Variants in XKR9 observed in about 807,000 individuals in gnomAD.
The protein encoded by XKR9 is XK-related protein 9.
In XKR9, 32 loss-of-function variants were observed where a neutral mutation model predicts 32.0. That is an observed-to-expected ratio of 1.00 (90% CI 0.76 to 1.34). The LOEUF (loss-of-function observed/expected upper bound fraction) is 1.34. Ranked by LOEUF, XKR9 falls within the 40% of genes most tolerant of loss-of-function variation. The pLI, the probability that XKR9 is intolerant of heterozygous loss-of-function variation, is 0.00. For missense variants in XKR9, 546 were observed against 429.7 expected, an observed-to-expected ratio of 1.27 and a Z score of -2.39; for synonymous variants, 168 against 143.4, an observed-to-expected ratio of 1.17 and a Z score of -1.22.
chr8:70,787,897 T>C lies in XKR9; in HGVS notation n.353-1442T>C, dbSNP rs940726493. On this transcript the variant is annotated intron_variant and non_coding_transcript_variant, in intron 2 of 3. Transcript: ENST00000520273. ...TGGTCAAGGCTGAAATAAAACATTT[T>C]GAGTGTCTTGAAAATAAGCAAATAA... 9.2e-5 allele frequency among the ~76,000 whole-genome samples: 14 copies of C among 152,116 alleles called. No individual in the cohort carries two copies. In the East Asian group the frequency reaches 1.2e-3, roughly 13 times the overall value.
intron 2 of XKR9, among the ~76,000 whole-genome samples, chr8:70,765,260 T>A (rs1015158422): frequency 1.3e-5 from 2 of 152,200 alleles, no homozygotes; most frequent in African/African-American, 2.4e-5. Context: ...ATCTGCTGTT[T>A]CCTGAATTTT....
At chr8:70,916,329 C>G in the XKR9 span, among the ~76,000 whole-genome samples, 110 of 152,300 alleles carry the variant, frequency 7.2e-4, 1 homozygote, top group Middle Eastern at 0.01. Context: ...TTTCAGCAAA[C>G]CTTTAGAGGG....
chr8:71,027,752 C>T, the XKR9 span, among the ~76,000 whole-genome samples: 6 of 139,616 alleles, frequency 4.3e-5, no homozygotes, highest in South Asian at 2.3e-4. Context: ...TTGTATTTGT[C>T]TTTTTCTCTC....
At chr8:70,698,556 G>A (rs1425656071) in intron 3 of XKR9, among the ~76,000 whole-genome samples, 1 of 152,174 alleles carries the variant, frequency 6.6e-6, no homozygotes, top group African/African-American at 2.4e-5. Flanking sequence ...GAGACAGTTT[G>A]TTGTAATTTC....
At chr8:70,745,866 G>A (rs1200358097) in intron 2 of XKR9, among the ~76,000 whole-genome samples, 1 of 152,156 alleles carries the variant, frequency 6.6e-6, no homozygotes, top group African/African-American at 2.4e-5. Flanking sequence ...CCTTGTGATT[G>A]TGGGGGTCAG....
chr8:70,867,729 G>T, the XKR9 span, among the ~76,000 whole-genome samples: 1 of 152,132 alleles, frequency 6.6e-6, no homozygotes, highest in South Asian at 2.1e-4. Context: ...TGGGATTACA[G>T]GCATGAGCCA....
chr8:71,000,560 A>AC, the XKR9 span, among the ~76,000 whole-genome samples: 2 of 152,132 alleles, frequency 1.3e-5, no homozygotes, highest in Non-Finnish European at 2.9e-5. Flanking sequence ...TATAAAATGC[A>AC]CCCCCCTTAA....
intron 3 of XKR9, among the ~76,000 whole-genome samples, chr8:70,698,337 C>G (rs1196645113): frequency 6.6e-6 from 1 of 152,030 alleles, no homozygotes; most frequent in Non-Finnish European, 1.5e-5. Context: ...TATAAATTTC[C>G]CTCTACACAC....
chr8:70,676,612 A>G (rs1818897580), intron 2 of XKR9, among the ~76,000 whole-genome samples: 2 of 152,188 alleles, frequency 1.3e-5, no homozygotes, highest in African/African-American at 4.8e-5. Context: ...AATTAGGAAT[A>G]TGGATATTAC....
the XKR9 span, among the ~76,000 whole-genome samples, chr8:70,838,905 T>C: frequency 2.0e-5 from 3 of 150,524 alleles, no homozygotes; most frequent in African/African-American, 5.0e-5. Context: ...TAAGCAACCT[T>C]GTATAGTCCC....
intron 4 of XKR9, among the ~76,000 whole-genome samples, chr8:70,723,801 C>G (rs1195613849): frequency 6.6e-6 from 1 of 152,114 alleles, no homozygotes; most frequent in East Asian, 1.9e-4. Context: ...GTCAGGGACC[C>G]ACTTGAGGAG....
the XKR9 span, among the ~76,000 whole-genome samples, chr8:71,049,870 G>C: frequency 6.6e-6 from 1 of 152,172 alleles, no homozygotes; most frequent in Non-Finnish European, 1.5e-5. Context: ...ATACACAGAG[G>C]AGAGTAGTCC....
intron 2 of XKR9, among the ~76,000 whole-genome samples, chr8:70,787,972 C>T (rs7828552): frequency 0.68 from 102,727 of 151,898 alleles, 35,237 homozygotes; most frequent in Admixed American, 0.74. Context: ...TTGTGACTAA[C>T]GGTAACTTAA....
At chr8:70,914,586 T>C in the XKR9 span, among the ~76,000 whole-genome samples, 1 of 152,202 alleles carries the variant, frequency 6.6e-6, no homozygotes, top group African/African-American at 2.4e-5. Context: ...TTTTCTCTTA[T>C]TAATTTGTAG....
the XKR9 span, among the ~76,000 whole-genome samples, chr8:70,802,172 G>A: frequency 9.2e-5 from 14 of 151,976 alleles, no homozygotes; most frequent in East Asian, 3.9e-4. Flanking sequence ...TCCTGACCTC[G>A]TGAGCCGCCC....
At chr8:70,708,330 A>C (rs577626926) in intron 4 of XKR9, among the ~76,000 whole-genome samples, 1 of 152,204 alleles carries the variant, frequency 6.6e-6, no homozygotes, top group Non-Finnish European at 1.5e-5. Flanking sequence ...TAGCATCTGG[A>C]CTACCTATGA....
the XKR9 span, among the ~76,000 whole-genome samples, chr8:70,871,266 A>T: frequency 2.2e-4 from 33 of 152,326 alleles, no homozygotes; most frequent in Admixed American, 3.9e-4. Flanking sequence ...ATAACTAATC[A>T]TAAGCTTTCT....
intron 2 of XKR9, among the ~76,000 whole-genome samples, chr8:70,676,149 C>T (rs755718187): frequency 8.5e-5 from 13 of 152,078 alleles, no homozygotes; most frequent in East Asian, 3.9e-4. Context: ...AGAGGAAGCA[C>T]GTGTCTCACG....
intron 1 of XKR9, among the ~76,000 whole-genome samples, chr8:70,671,179 T>A (rs983793459): frequency 6.6e-6 from 1 of 152,232 alleles, no homozygotes; most frequent in African/African-American, 2.4e-5. Flanking sequence ...GTGCTAGGAT[T>A]GCAGGCTTGA....
Sources: gnomAD v4.1 joint callset for allele counts (sites outside exome capture counted in the v4.1 genomes callset) on GRCh38, gnomAD v4.1.1 for gene constraint, MANE v1.5 for transcripts, NCBI Gene and HGNC (gene_info 2026-07-23, HGNC 2026-07-21) for gene names.